ZNF837: variants seen among roughly 807,000 people sequenced by gnomAD.
ZNF837 encodes zinc finger protein 837.
For synonymous variants in ZNF837, 475 were observed against 365.2 expected (o/e 1.30, Z -3.43); for missense variants, 955 against 801.7 (o/e 1.19, Z -2.31).
chr19:58,376,609 GAAA>G (rs1220385084), intron 1 of ZNF837, among the ~76,000 whole-genome samples: 1 of 126,596 alleles, frequency 7.9e-6, no homozygotes, highest in Non-Finnish European at 1.7e-5. Flanking sequence ...AAGAAAAAAG[GAAA>G]AAAAAAGAGA....
intron 1 of ZNF837, among the ~76,000 whole-genome samples, chr19:58,377,939 T>C (rs2052262811): frequency 6.6e-6 from 1 of 152,252 alleles, no homozygotes; most frequent in African/African-American, 2.4e-5. Context: ...GTCCATCTGC[T>C]GGCCGTGGAC....
Position 58,368,132 on chromosome 19 carries a change from T to TAC in ZNF837, c.1200_1201insGT (p.Asn401ValfsTer7). 1 of 1,582,060 alleles carries TAC rather than the reference T, an allele frequency of 6.3e-7. No individual in the cohort carries two copies. Among genetic ancestry groups the TAC allele is most frequent in the Admixed American group, 1.8e-5 (1 of 55,722 alleles). On this transcript the variant is annotated frameshift_variant, in exon 3 of 3. Transcript: ENST00000597582. LOFTEE classifies it low-confidence loss of function (END_TRUNC). Reference sequence around the variant, plus strand: ...TGCCGGCTCAGGTTCGAGCGCTGGTTGAAGGCCTTGCCGCACTCGGGGCAC... The same window carrying TAC: ...TGCCGGCTCAGGTTCGAGCGCTGGTTACGAAGGCCTTGCCGCACTCGGGGCAC...
At chr19:58,373,604 T>C (rs2052218692) in intron 1 of ZNF837, among the ~76,000 whole-genome samples, 1 of 152,214 alleles carries the variant, frequency 6.6e-6, no homozygotes, top group Non-Finnish European at 1.5e-5. Context: ...GTTACTCTCT[T>C]TCTGTCCCTT....
intron 1 of ZNF837, among the ~76,000 whole-genome samples, chr19:58,370,337 C>T (rs1028961908): frequency 2.0e-5 from 3 of 152,144 alleles, no homozygotes; most frequent in Non-Finnish European, 2.9e-5. Flanking sequence ...CCTTATACTC[C>T]TTATAGGATT....
chr19:58,371,259 A>AAAT (rs74179464), intron 1 of ZNF837, among the ~76,000 whole-genome samples: 5 of 147,414 alleles, frequency 3.4e-5, no homozygotes, highest in African/African-American at 1.3e-4. Context: ...AAAAAAAAAA[A>AAAT]TTGCCGGGCA....
intron 1 of ZNF837, among the ~76,000 whole-genome samples, chr19:58,375,207 G>T (rs1378092127): frequency 8.6e-5 from 11 of 128,470 alleles, no homozygotes; most frequent in Admixed American, 6.8e-4. Flanking sequence ...AATGAGCCGA[G>T]ATCACAACAC....
At chr19:58,379,429 A>G (rs2052273268) in intron 1 of ZNF837, among the ~76,000 whole-genome samples, 1 of 152,204 alleles carries the variant, frequency 6.6e-6, no homozygotes, top group South Asian at 2.1e-4. Flanking sequence ...CCCAGGATGC[A>G]CTGTCCAACT....
rs936553370 is a variant in ZNF837 at position 58,378,412 on chromosome 19, G to A, written c.-140+2529C>T. Among the ~76,000 whole-genome samples, 12 of 152,212 alleles carry A rather than the reference G, an allele frequency of 7.9e-5. 1 individual carries two copies. The highest frequency in any genetic ancestry group is 2.9e-4 in the African/African-American group (12 of 41,454). On this transcript the variant is annotated intron_variant, in intron 1 of 2. Transcript: ENST00000597582. Reference sequence around the variant, plus strand: ...CCTTGCTATTAGCTCCAAGGCTGCTGGCTTCATGTCACAGTCTGTACAACA... The same window carrying A: ...CCTTGCTATTAGCTCCAAGGCTGCTAGCTTCATGTCACAGTCTGTACAACA...
At chr19:58,372,226 G>T (rs541866718) in intron 1 of ZNF837, among the ~76,000 whole-genome samples, 125 of 149,994 alleles carry the variant, frequency 8.3e-4, no homozygotes, top group Non-Finnish European at 1.5e-3. Flanking sequence ...GGCTAATTTT[G>T]TATTTTTTTC....
chr19:58,376,806 G>A (rs1483748649), intron 1 of ZNF837, among the ~76,000 whole-genome samples: 1 of 151,988 alleles, frequency 6.6e-6, no homozygotes, highest in Non-Finnish European at 1.5e-5. Context: ...TTGGCTGGGT[G>A]TAGTGGCTTA....
rs763669658 is a variant in ZNF837 at position 58,368,409 on chromosome 19, G to A, written c.924C>T (p.Phe308=). The change falls in exon 3 of 3, where the codon TTC becomes TTT. Residue 308 remains phenylalanine (F), a synonymous_variant. Transcript: ENST00000597582. ...PYECAECGKA[F]VRCSGLYRHQ... Reference sequence around the variant, plus strand: ...GGCGGTACAGGCCGGAGCAGCGCACGAAGGCCTTGCCGCACTCGGCGCACT... The same window carrying A: ...GGCGGTACAGGCCGGAGCAGCGCACAAAGGCCTTGCCGCACTCGGCGCACT... The A allele has an allele frequency of 6.5e-7, 1 of 1,544,964 alleles. No individual in the cohort carries two copies. Among genetic ancestry groups the A allele is most frequent in the Non-Finnish European group, 8.7e-7 (1 of 1,147,628 alleles).
chr19:58,376,603 AAAAAG>A (rs1300812880), intron 1 of ZNF837, among the ~76,000 whole-genome samples: 6 of 150,840 alleles, frequency 4.0e-5, no homozygotes, highest in African/African-American at 9.7e-5. Context: ...AAAGAAAAGA[AAAAAG>A]GAAAAAAAAA....
chr19:58,371,162 A>T (rs2052198254), intron 1 of ZNF837, among the ~76,000 whole-genome samples: 1 of 148,438 alleles, frequency 6.7e-6, no homozygotes, highest in Non-Finnish European at 1.5e-5. Flanking sequence ...ACTGGTGTGA[A>T]CCCGGGAGGC....
At chr19:58,370,825 A>G (rs9749456) in intron 1 of ZNF837, among the ~76,000 whole-genome samples, 83,813 of 150,792 alleles carry the variant, frequency 0.56, 24,135 homozygotes, top group African/African-American at 0.71. Flanking sequence ...AACCCGGGAG[A>G]TGGAGGTTGC....
In ZNF837 at chr19:58,369,117, C is replaced by A. The variant is rs775942843; in HGVS notation, c.216G>T (p.Val72=). ...GGGSRGCSLG[V]SPGPGTRHSA... ...TGTGCCGGGTCCCCGGGCCGGGGCT[C>A]ACCCCGAGGCTGCAGCCCCGGGAGC... is the stretch of plus-strand genomic sequence containing the variant. Residue 72 remains valine, a synonymous_variant, in exon 3 of 3, where the codon GTG becomes GTT. Coordinates refer to ENST00000597582, the MANE Select transcript of ZNF837 (RefSeq NM_138466.2). The A allele has an allele frequency of 5.4e-6, 8 of 1,483,926 alleles. No individual in the cohort carries two copies. In the South Asian group the frequency reaches 1.1e-4, roughly 20 times the overall value. 91.9% of individuals were successfully genotyped at this position (1,483,926 alleles called of 1,614,324 possible).
intron 2 of ZNF837, 144 bp downstream of exon 2, chr19:58,369,675 T>C: frequency 4.6e-6 from 1 of 217,650 alleles, no homozygotes. Context: ...CAACAGGGAC[T>C]CCCCCGTTGC....
At position 58,368,753 on chromosome 19, in the gene ZNF837, C is replaced by T; in HGVS notation, c.580G>A (p.Val194Met). The T allele has an allele frequency of 2.6e-6, 4 of 1,540,138 alleles. No individual in the cohort carries two copies. In the South Asian group the frequency reaches 3.6e-5, roughly 14 times the overall value. The change falls in exon 3 of 3, where the codon GTG becomes ATG. Residue 194 changes from valine to methionine, a missense_variant. Val to Met is a conservative substitution (Grantham distance 21, BLOSUM62 1). Transcript: ENST00000597582. Reference protein sequence around the residue: ...KPTSRGRNPLVEQPRACACGE... With the variant: ...KPTSRGRNPLMEQPRACACGE... ...CACGCGCAAGCCCGGGGCTGCTCCA[C>T]CAAGGGGTTCCTCCCGCGGGAGGTC... is the stretch of plus-strand genomic sequence containing the variant.
Position 58,368,338 on chromosome 19 carries a change from A to G in ZNF837, c.995T>C (p.Leu332Pro). The G allele has an allele frequency of 6.6e-7, 1 of 1,515,860 alleles. No individual in the cohort carries two copies. The highest frequency in any genetic ancestry group is 8.8e-7 in the Non-Finnish European group (1 of 1,138,438). 93.9% of individuals were successfully genotyped at this position (1,515,860 alleles called of 1,614,324 possible). Residue 332 changes from leucine to proline, a missense_variant, in exon 3 of 3, where the codon CTG becomes CCG. Leu to Pro is a moderately conservative substitution (Grantham distance 98). Transcript: ENST00000597582. ...CCCCAGCCGGAAGGCGCGCCGCGCC[A>G]GGACGGGGCCACGCCGGTGGCGCTC... The part of the protein sequence containing the change: ...SAERHRRGPV[L>P]ARRAFRLGCP...
At chr19:58,379,112 G>C (rs1023531923) in intron 1 of ZNF837, among the ~76,000 whole-genome samples, 1 of 152,174 alleles carries the variant, frequency 6.6e-6, no homozygotes. Context: ...TGTTGTAAGG[G>C]GCTCTCCTGA....
Sources: allele counts gnomAD v4.1 joint callset (sites outside exome capture counted in the v4.1 genomes callset), GRCh38; gene constraint gnomAD v4.1.1; transcripts MANE v1.5; gene names NCBI Gene and HGNC (gene_info 2026-07-23, HGNC 2026-07-21).